NF1: variants seen among roughly 807,000 people sequenced by gnomAD.
The protein encoded by NF1 is neurofibromin.
NF1 carries 122 observed loss-of-function variants against 325.7 expected under a neutral mutation model. The ratio of observed to expected loss-of-function variants is 0.37; its 90% CI spans 0.32 to 0.44. NF1 has a LOEUF of 0.44. NF1 is among the 20% of genes least tolerant of loss of function. The pLI is 1.00. For synonymous variants in NF1, 1,091 were observed against 1,186.0 expected, an observed-to-expected ratio of 0.92 and a Z score of 1.65; for missense variants, 2,140 against 3,415.4, an observed-to-expected ratio of 0.63 and a Z score of 9.31.
chr17:31,344,545 G>C (rs1236344403), intron 48 of NF1, among the ~76,000 whole-genome samples: 1 of 152,228 alleles, frequency 6.6e-6, no homozygotes, highest in Non-Finnish European at 1.5e-5. Context: ...TCATAGGCTT[G>C]AGGGACCATG....
chr17:31,327,460 A>T (rs2151540612), intron 37 of NF1, 39 bp from the exon 38 acceptor site: 1 of 1,504,614 alleles, frequency 6.6e-7, no homozygotes, highest in Non-Finnish European at 9.2e-7. Flanking sequence ...AAAAGAGTTT[A>T]ATTCTTCTCC....
intron 57 of NF1, among the ~76,000 whole-genome samples, chr17:31,368,672 C>T (rs2070577515): frequency 1.3e-5 from 2 of 152,122 alleles, no homozygotes; most frequent in South Asian, 4.1e-4. Context: ...ATCACCTGGT[C>T]TTTTACTTCA....
intron 36 of NF1, among the ~76,000 whole-genome samples, chr17:31,301,336 T>A (rs1174098291): frequency 1.3e-5 from 2 of 152,134 alleles, no homozygotes; most frequent in African/African-American, 2.4e-5. Flanking sequence ...TCCAATATAG[T>A]GTGAAGTATG....
At chr17:31,281,099 C>G (rs1044822249) in intron 36 of NF1, among the ~76,000 whole-genome samples, 4 of 152,176 alleles carry the variant, frequency 2.6e-5, no homozygotes, top group African/African-American at 9.7e-5. Context: ...ATACAAGTCT[C>G]TTCATAATCT....
chr17:31,319,166 C>T, intron 36 of NF1: 1 of 848,528 alleles, frequency 1.2e-6, no homozygotes, highest in Non-Finnish European at 1.8e-6. Flanking sequence ...AATTCCTTCT[C>T]AACTAAATTT....
At chr17:31,271,558 C>T (rs1042203480) in intron 36 of NF1, among the ~76,000 whole-genome samples, 8 of 152,022 alleles carry the variant, frequency 5.3e-5, no homozygotes, top group Admixed American at 2.0e-4. Flanking sequence ...TTGAGACCAG[C>T]GTGGCCAACA....
rs747576584 is a variant in NF1 at position 31,337,540 on chromosome 17, A to C, written c.6600A>C (p.Thr2200=). 1.4e-5 allele frequency: 23 copies of C among 1,614,148 alleles called. No individual in the cohort carries two copies. The South Asian group carries it at 2.3e-4, about 16-fold the overall frequency. Residue 2200 remains threonine (T), a synonymous_variant, in exon 43 of 58, where the codon ACA becomes ACC. Transcript: ENST00000358273. Reference sequence around the variant, plus strand: ...ATGAGAGAGAGACTTTTGCTTTGACATCCTTGGAAACAGTCACAGAAGCTT... The same window carrying C: ...ATGAGAGAGAGACTTTTGCTTTGACCTCCTTGGAAACAGTCACAGAAGCTT... The part of the protein sequence containing the change: ...GSYERETFAL[T]SLETVTEALL...
intron 8 of NF1, among the ~76,000 whole-genome samples, chr17:31,188,739 C>T: frequency 6.6e-6 from 1 of 151,410 alleles, no homozygotes. Flanking sequence ...TAATCAGCTG[C>T]CAGTGTGGCT....
intron 39 of NF1, chr17:31,331,558 G>A (rs1042497746): frequency 2.0e-5 from 3 of 152,092 alleles, no homozygotes; most frequent in African/African-American, 7.2e-5. Flanking sequence ...ACATACATGT[G>A]CAAGAATCAG....
chr17:31,323,671 G>A (rs2069270952), intron 36 of NF1, among the ~76,000 whole-genome samples: 1 of 152,182 alleles, frequency 6.6e-6, no homozygotes, highest in East Asian at 1.9e-4. Context: ...ATTCTGGCTA[G>A]ACTAGCTGTC....
intron 8 of NF1, among the ~76,000 whole-genome samples, chr17:31,190,174 T>A (rs2066317927): frequency 6.6e-6 from 1 of 151,218 alleles, no homozygotes; most frequent in Non-Finnish European, 1.5e-5. Flanking sequence ...GGAGAATTGC[T>A]TGAACCTGGG....
intron 13 of NF1, among the ~76,000 whole-genome samples, chr17:31,217,305 A>T (rs191974632): frequency 0.016 from 1,437 of 88,210 alleles, 24 homozygotes; most frequent in African/African-American, 0.063. Context: ...CATTGGCTTC[A>T]TATATTCTTC....
intron 5 of NF1, 125 bp from the exon 6 acceptor site, chr17:31,181,297 A>T: frequency 1.1e-6 from 1 of 891,906 alleles, no homozygotes; most frequent in Non-Finnish European, 1.7e-6. Context: ...AGGTGTCTTT[A>T]CCTTTCATTG....
At chr17:31,171,627 G>A (rs2065929766) in intron 5 of NF1, among the ~76,000 whole-genome samples, 1 of 152,166 alleles carries the variant, frequency 6.6e-6, no homozygotes, top group African/African-American at 2.4e-5. Flanking sequence ...CCCATCGAAT[G>A]CGGCTCCCTC....
At chr17:31,122,991 G>T (rs1049155621) in intron 1 of NF1, among the ~76,000 whole-genome samples, 1 of 152,084 alleles carries the variant, frequency 6.6e-6, no homozygotes, top group Non-Finnish European at 1.5e-5. Context: ...ATTAGTACGT[G>T]ACTAAATAGC....
chr17:31,095,426 G>A, intron 1 of NF1, 57 bp downstream of exon 1: 2 of 1,478,950 alleles, frequency 1.4e-6, no homozygotes, highest in Non-Finnish European at 1.8e-6. Context: ...GGACAGAGTA[G>A]GTGAGGGGAG....
rs186137680 is a variant in NF1 at position 31,300,664 on chromosome 17, C to T, written c.4836-25156C>T. On this transcript the variant is annotated intron_variant, in intron 36 of 57. Transcript: ENST00000358273. ...TGCCAGTAAATCTTTGAAAAAGATT[C>T]CTAGAAGTAGGATTGCTGGGTAAAA... 2.8e-4 allele frequency among the ~76,000 whole-genome samples: 42 copies of T among 152,208 alleles called. No individual in the cohort carries two copies. In the East Asian group the frequency reaches 6.0e-3, roughly 22 times the overall value.
At chr17:31,291,241 TA>T (rs1425390157) in intron 36 of NF1, among the ~76,000 whole-genome samples, 1 of 152,154 alleles carries the variant, frequency 6.6e-6, no homozygotes, top group African/African-American at 2.4e-5. Flanking sequence ...AGGTGCTGAC[TA>T]AATATTTGTT....
intron 1 of NF1, among the ~76,000 whole-genome samples, chr17:31,125,599 C>T (rs780730024): frequency 4.0e-5 from 6 of 151,736 alleles, no homozygotes; most frequent in African/African-American, 9.7e-5. Flanking sequence ...TGTAATGGCA[C>T]GATCTGGACT....
Sources: allele counts gnomAD v4.1 joint callset (sites outside exome capture counted in the v4.1 genomes callset), GRCh38; gene constraint gnomAD v4.1.1; transcripts MANE v1.5; gene names NCBI Gene and HGNC (gene_info 2026-07-23, HGNC 2026-07-21).